Variants in PRRG1 observed in about 807,000 individuals in gnomAD.
PRRG1 encodes the protein proline rich and Gla domain 1.
PRRG1 carries 5 observed loss-of-function variants against 11.8 expected under a neutral mutation model. The observed-to-expected ratio is 0.42, with a 90% CI of 0.22 to 0.89. The LOEUF is 0.89. Among genes scored for constraint, PRRG1 ranks in the 40% least tolerant of loss-of-function variants. The pLI is 0.28. For synonymous variants in PRRG1, 66 were observed against 60.4 expected, an observed-to-expected ratio of 1.09 and a Z score of -0.43; for missense variants, 155 against 166.1, an observed-to-expected ratio of 0.93 and a Z score of 0.37.
At chrX:37,406,072 T>A in intron 1 of PRRG1, 137 bp from the exon 2 acceptor site, 1 of 481,611 alleles carries the variant, frequency 2.1e-6, no homozygotes, top group Non-Finnish European at 3.3e-6. Context: ...GGAGAAAACA[T>A]TTATGTAAGG....
chrX:37,395,974 T>A (rs1366211038), intron 1 of PRRG1, among the ~76,000 whole-genome samples: 1 of 111,949 alleles, frequency 8.9e-6, no homozygotes, highest in Non-Finnish European at 1.9e-5. Flanking sequence ...CCCAGGAAAT[T>A]GATATAAAGT....
At chrX:37,406,984 T>C (rs960182615) in intron 2 of PRRG1, among the ~76,000 whole-genome samples, 1 of 112,269 alleles carries the variant, frequency 8.9e-6, no homozygotes, top group African/African-American at 3.2e-5. Flanking sequence ...CTGTTTCCAG[T>C]TGTAGAAGTT....
rs561952544 is a variant in PRRG1, at chrX:37,440,127, A to G, written c.172-13009A>G. 8.6e-4 allele frequency among the ~76,000 whole-genome samples: 96 copies of G among 111,576 alleles called. 1 individual carries two copies. In the South Asian group the frequency reaches 0.035, roughly 41 times the overall value. On this transcript the variant is annotated intron_variant, in intron 3 of 3. Coordinates refer to ENST00000378628, the MANE Select transcript of PRRG1 (RefSeq NM_001142395.2). ...TACTAATTAAAAATTCTTTAGAACA[A>G]TGTCCTTTGGGATAGACAAAGCAGG... is the stretch of plus-strand genomic sequence containing the variant.
At chrX:37,356,860 T>C in intron 1 of PRRG1, among the ~76,000 whole-genome samples, 1 of 111,608 alleles carries the variant, frequency 9.0e-6, no homozygotes, top group Non-Finnish European at 1.9e-5. Context: ...GGACATCCTG[T>C]ACCACAGTGG....
intron 3 of PRRG1, among the ~76,000 whole-genome samples, chrX:37,451,027 G>GTTTTGTT (rs1435259251): frequency 4.5e-5 from 5 of 111,532 alleles, no homozygotes; most frequent in African/African-American, 1.6e-4. Flanking sequence ...GTTTTGTTTT[G>GTTTTGTT]TTTTGTTGAG....
rs1448554014 is a variant in PRRG1 at position 37,446,069 on chromosome X, C to CA, written c.172-7065dup. Among the ~76,000 whole-genome samples the CA allele has an allele frequency of 2.7e-5, 3 of 112,523 alleles. No individual in the cohort carries two copies. In the Admixed American group the frequency reaches 2.8e-4, roughly 11 times the overall value. On this transcript the variant is annotated intron_variant, in intron 3 of 3. Transcript: ENST00000378628. ...AAATGTGCAATTGTCTTTGTACCTC[C>CA]AATATGGTCATTGCAGTTTGGTGCG...
chrX:37,426,117 A>C (rs2146607213), intron 3 of PRRG1, 117 bp downstream of exon 3: 1 of 805,381 alleles, frequency 1.2e-6, no homozygotes. Flanking sequence ...CTTTGTTAGG[A>C]ACTCGGAAAA....
intron 1 of PRRG1, among the ~76,000 whole-genome samples, chrX:37,365,589 T>C (rs1189356503): frequency 8.9e-6 from 1 of 112,092 alleles, no homozygotes; most frequent in Non-Finnish European, 1.9e-5. Context: ...TTTAAAGAAA[T>C]GTGATTAAAA....
chrX:37,350,136 G>A (rs1026169731), intron 1 of PRRG1, among the ~76,000 whole-genome samples: 2 of 111,071 alleles, frequency 1.8e-5, no homozygotes, highest in Admixed American at 9.5e-5. Flanking sequence ...TTCCTGGTCC[G>A]CTGAATTTGA....
rs1163845290 is a variant in PRRG1, at chrX:37,406,160, A to G, written c.-41-49A>G. On this transcript the variant is annotated intron_variant, in intron 1 of 3. Transcript: ENST00000378628. ...GTACTGGAGCTTATCTGATGTAGCC[A>G]CTCAGCCTCTATCAATCTGACTGTG... 3 of 1,136,911 alleles carry G rather than the reference A, an allele frequency of 2.6e-6. No homozygotes were observed. The African/African-American group carries it at 5.4e-5, about 20-fold the overall frequency. 93.7% of individuals were successfully genotyped at this position (1,136,911 alleles called of 1,213,427 possible).
chrX:37,374,603 C>T (rs1556371604), intron 1 of PRRG1, among the ~76,000 whole-genome samples: 2 of 111,387 alleles, frequency 1.8e-5, no homozygotes, highest in Non-Finnish European at 3.8e-5. Context: ...TCATTTTTTT[C>T]TCTGTTCTTC....
intron 1 of PRRG1, among the ~76,000 whole-genome samples, chrX:37,361,431 C>T (rs782704175): frequency 2.7e-5 from 3 of 111,593 alleles, no homozygotes; most frequent in Non-Finnish European, 5.6e-5. Context: ...ATTCAAATAC[C>T]GATGATGAGT....
intron 1 of PRRG1, among the ~76,000 whole-genome samples, chrX:37,383,960 T>C (rs1445453797): frequency 9.1e-6 from 1 of 110,066 alleles, no homozygotes; most frequent in Admixed American, 9.8e-5. Context: ...CTTACTAAAA[T>C]TTAATCGGTA....
chrX:37,363,627 A>G (rs1455431885), intron 1 of PRRG1, among the ~76,000 whole-genome samples: 1 of 112,365 alleles, frequency 8.9e-6, no homozygotes, highest in African/African-American at 3.2e-5. Flanking sequence ...TAGCTGAGCC[A>G]TTGATCCAGT....
intron 2 of PRRG1, among the ~76,000 whole-genome samples, chrX:37,422,157 T>C (rs1284782369): frequency 8.9e-6 from 1 of 112,082 alleles, no homozygotes; most frequent in East Asian, 2.8e-4. Context: ...ACTCACCTTT[T>C]TGAGTTGGAT....
chrX:37,404,733 C>T (rs1459481479), intron 1 of PRRG1, among the ~76,000 whole-genome samples: 1 of 111,380 alleles, frequency 9.0e-6, no homozygotes, highest in African/African-American at 3.3e-5. Context: ...TGAGGGCTGT[C>T]TGCTGCTTTC....
Position 37,366,556 on chromosome X carries a change from A to T in PRRG1, c.-42+17161A>T, listed in dbSNP as rs149606736. Among the ~76,000 whole-genome samples, 383 of 112,027 alleles carry T rather than the reference A, an allele frequency of 3.4e-3. 1 individual carries two copies. Among genetic ancestry groups the T allele is most frequent in the African/African-American group, 0.011 (349 of 30,785 alleles). On this transcript the variant is annotated intron_variant, in intron 1 of 3. Transcript: ENST00000378628. ...GTCTGTGTAAGTAATCAGTTGTCTG[A>T]ATTCATCTGGGCCAAATCTCCTTTA...
intron 3 of PRRG1, among the ~76,000 whole-genome samples, chrX:37,448,917 T>C (rs1921015015): frequency 8.9e-6 from 1 of 111,823 alleles, no homozygotes; most frequent in Non-Finnish European, 1.9e-5. Context: ...AGGTTTGTGC[T>C]ACCACACCTC....
At chrX:37,441,737 G>A (rs1427991591) in intron 3 of PRRG1, 9 of 788,739 alleles carry the variant, frequency 1.1e-5, no homozygotes, top group Non-Finnish European at 1.4e-5. Flanking sequence ...GAGCTGATGA[G>A]GCTGCAGAAC....
Sources: allele counts gnomAD v4.1 joint callset (sites outside exome capture counted in the v4.1 genomes callset), GRCh38; gene constraint gnomAD v4.1.1; transcripts MANE v1.5; gene names NCBI Gene and HGNC (gene_info 2026-07-23, HGNC 2026-07-21).